The following ASIC2 variants were observed in gnomAD, a reference collection of about 807,000 sequenced individuals.
ASIC2 encodes acid-sensing ion channel 2.
In ASIC2, 25 loss-of-function variants were observed where a neutral mutation model predicts 57.3. The observed-to-expected ratio is 0.44, with a 90% CI of 0.32 to 0.61. The LOEUF (loss-of-function observed/expected upper bound fraction) is 0.61. ASIC2 is among the 20% of genes least tolerant of loss of function. The pLI is 0.06. For missense variants in ASIC2, 641 were observed against 738.1 expected, an observed-to-expected ratio of 0.87 and a Z score of 1.52; for synonymous variants, 319 against 307.5, an observed-to-expected ratio of 1.04 and a Z score of -0.39.
intron 1 of ASIC2, among the ~76,000 whole-genome samples, chr17:33,140,272 G>A (rs1430746218): frequency 6.6e-6 from 1 of 152,250 alleles, no homozygotes; most frequent in Admixed American, 6.5e-5. Flanking sequence ...ATGCTCTGAA[G>A]ACTTGATTTG....
chr17:33,095,842 C>A (rs1260833927), intron 2 of ASIC2, among the ~76,000 whole-genome samples: 1 of 152,248 alleles, frequency 6.6e-6, no homozygotes, highest in Non-Finnish European at 1.5e-5. Flanking sequence ...GGCTTAATCC[C>A]TGGGGACCTG....
At chr17:33,078,906 C>T (rs140153872) in intron 3 of ASIC2, among the ~76,000 whole-genome samples, 35 of 152,226 alleles carry the variant, frequency 2.3e-4, no homozygotes, top group African/African-American at 8.2e-4. Flanking sequence ...GAGAGTAGGA[C>T]AGGAAGAAGG....
chr17:33,604,014 G>A (rs549638329), intron 1 of ASIC2, among the ~76,000 whole-genome samples: 1 of 152,284 alleles, frequency 6.6e-6, no homozygotes, highest in Non-Finnish European at 1.5e-5. Context: ...CCCATTGGCT[G>A]GAACTGTCAC....
chr17:33,697,729 C>T (rs1908570841), intron 1 of ASIC2, among the ~76,000 whole-genome samples: 2 of 152,178 alleles, frequency 1.3e-5, no homozygotes, highest in South Asian at 4.1e-4. Flanking sequence ...GCTCTTAAAG[C>T]CACCCAATGA....
intron 1 of ASIC2, among the ~76,000 whole-genome samples, chr17:33,705,818 G>C (rs989956): frequency 6.6e-6 from 1 of 151,908 alleles, no homozygotes; most frequent in Non-Finnish European, 1.5e-5. Flanking sequence ...TGTGGTAATT[G>C]GTCATAGCAG....
intron 3 of ASIC2, among the ~76,000 whole-genome samples, chr17:33,061,486 C>A (rs1364588013): frequency 2.0e-5 from 3 of 152,172 alleles, no homozygotes; most frequent in Non-Finnish European, 4.4e-5. Context: ...GTATGTTGAA[C>A]CAGCCTTGCA....
intron 1 of ASIC2, among the ~76,000 whole-genome samples, chr17:33,809,869 C>T (rs540426006): frequency 1.3e-5 from 2 of 152,212 alleles, no homozygotes; most frequent in African/African-American, 2.4e-5. Context: ...CCTGCTGAAC[C>T]TGAACTAGGT....
chr17:33,597,123 T>C (rs904242072), intron 1 of ASIC2, among the ~76,000 whole-genome samples: 2 of 152,212 alleles, frequency 1.3e-5, no homozygotes, highest in Non-Finnish European at 2.9e-5. Context: ...GAATCTTCCG[T>C]TGTCTCAGAG....
intron 1 of ASIC2, among the ~76,000 whole-genome samples, chr17:33,996,433 A>G (rs912433957): frequency 2.0e-5 from 3 of 152,188 alleles, no homozygotes; most frequent in Non-Finnish European, 4.4e-5. Context: ...GCCTAGGCCA[A>G]CACCAACAAG....
intron 1 of ASIC2, among the ~76,000 whole-genome samples, chr17:34,123,021 A>G (rs760883146): frequency 7.9e-5 from 12 of 152,216 alleles, no homozygotes; most frequent in Non-Finnish European, 1.2e-4. Context: ...AAATTCATGG[A>G]ACCAGGCTCC....
chr17:33,334,943 G>A (rs1341949747), intron 1 of ASIC2, among the ~76,000 whole-genome samples: 1 of 152,216 alleles, frequency 6.6e-6, no homozygotes, highest in Non-Finnish European at 1.5e-5. Context: ...AAAGTATTAG[G>A]AGATAATAAC....
At chr17:33,892,084 G>C (rs1414918616) in intron 1 of ASIC2, among the ~76,000 whole-genome samples, 2 of 152,192 alleles carry the variant, frequency 1.3e-5, no homozygotes, top group Non-Finnish European at 2.9e-5. Context: ...GTCTGGAATT[G>C]TTCTAGGTGC....
chr17:33,395,704 A>G (rs1910052796), intron 1 of ASIC2, among the ~76,000 whole-genome samples: 1 of 152,156 alleles, frequency 6.6e-6, no homozygotes, highest in Non-Finnish European at 1.5e-5. Flanking sequence ...GCATGTTGGG[A>G]ATTCTGTCTC....
intron 1 of ASIC2, among the ~76,000 whole-genome samples, chr17:33,249,700 G>T (rs1908816118): frequency 6.6e-6 from 1 of 152,218 alleles, no homozygotes; most frequent in Non-Finnish European, 1.5e-5. Context: ...TGTGGCAGGT[G>T]TCTGCTCACT....
chr17:33,734,143 C>T (rs1264728949), intron 1 of ASIC2, among the ~76,000 whole-genome samples: 1 of 152,174 alleles, frequency 6.6e-6, no homozygotes, highest in Admixed American at 6.5e-5. Flanking sequence ...AGGCTCTCTG[C>T]CTTCCCTCAT....
chr17:33,921,010 A>AT (rs1489162026), intron 1 of ASIC2, among the ~76,000 whole-genome samples: 3 of 152,194 alleles, frequency 2.0e-5, no homozygotes, highest in Non-Finnish European at 4.4e-5. Context: ...ATACATAGAA[A>AT]GCTGTTATAG....
At chr17:33,980,378 GCTTAGACA>G (rs1376368640) in intron 1 of ASIC2, among the ~76,000 whole-genome samples, 1 of 152,186 alleles carries the variant, frequency 6.6e-6, no homozygotes, top group African/African-American at 2.4e-5. Flanking sequence ...CCCCAGATGA[GCTTAGACA>G]CTTAGACATC....
intron 2 of ASIC2, among the ~76,000 whole-genome samples, chr17:33,099,515 TC>T (rs1413058299): frequency 6.6e-6 from 1 of 152,210 alleles, no homozygotes; most frequent in Non-Finnish European, 1.5e-5. Context: ...ACACTTTCAT[TC>T]CTGCTAAACA....
chr17:33,443,870 G>T (rs1057303114), intron 1 of ASIC2, among the ~76,000 whole-genome samples: 1 of 152,028 alleles, frequency 6.6e-6, no homozygotes, highest in Non-Finnish European at 1.5e-5. Flanking sequence ...CTGTGCAGCT[G>T]CTTATATCTC....
Sources: gnomAD v4.1 joint callset for allele counts (sites outside exome capture counted in the v4.1 genomes callset) on GRCh38, gnomAD v4.1.1 for gene constraint, MANE v1.5 for transcripts, NCBI Gene and HGNC (gene_info 2026-07-23, HGNC 2026-07-21) for gene names.